Variants in FNDC3B observed in about 807,000 individuals in gnomAD.
FNDC3B encodes the protein fibronectin type III domain containing 3B.
In FNDC3B, 12 loss-of-function variants were observed where a neutral mutation model predicts 151.5. The observed-to-expected ratio is 0.08, with a 90% CI of 0.05 to 0.13. The LOEUF (loss-of-function observed/expected upper bound fraction) is 0.13. FNDC3B is among the 10% of genes least tolerant of loss of function. The pLI is 1.00. For synonymous variants in FNDC3B, 528 were observed against 549.0 expected, an observed-to-expected ratio of 0.96 and a Z score of 0.54; for missense variants, 1,214 against 1,505.3, an observed-to-expected ratio of 0.81 and a Z score of 3.20.
chr3:172,090,815 A>C (rs1302820164), intron 1 of FNDC3B, among the ~76,000 whole-genome samples: 1 of 152,214 alleles, frequency 6.6e-6, no homozygotes, highest in Non-Finnish European at 1.5e-5. Flanking sequence ...GGTTGCAGCC[A>C]AAACTTTGTT....
intron 11 of FNDC3B, among the ~76,000 whole-genome samples, chr3:172,317,499 A>G (rs1731865204): frequency 6.6e-6 from 1 of 152,088 alleles, no homozygotes; most frequent in Non-Finnish European, 1.5e-5. Context: ...TTAATTTTCT[A>G]ACACATAAAC....
At chr3:172,305,391 CTTGT>C (rs1264327438) in intron 9 of FNDC3B, among the ~76,000 whole-genome samples, 3 of 152,080 alleles carry the variant, frequency 2.0e-5, no homozygotes, top group African/African-American at 4.8e-5. Flanking sequence ...TTTCTTGCAA[CTTGT>C]TTGTTAGATT....
At chr3:172,327,683 C>T (rs1292097627) in intron 11 of FNDC3B, among the ~76,000 whole-genome samples, 2 of 152,226 alleles carry the variant, frequency 1.3e-5, no homozygotes, top group Non-Finnish European at 2.9e-5. Flanking sequence ...GGATTACAGG[C>T]GTGAGCCACC....
intron 14 of FNDC3B, among the ~76,000 whole-genome samples, chr3:172,333,488 A>ATTTTTTTTTTT (rs748224819): frequency 3.9e-5 from 4 of 102,834 alleles, no homozygotes; most frequent in African/African-American, 4.1e-5. Context: ...TGCCCGGCTA[A>ATTTTTTTTTTT]TTTTTTTTTT....
intron 3 of FNDC3B, among the ~76,000 whole-genome samples, chr3:172,214,077 TAGC>T (rs987735120): frequency 6.6e-6 from 1 of 152,146 alleles, no homozygotes; most frequent in Non-Finnish European, 1.5e-5. Flanking sequence ...GCTGAGAAAA[TAGC>T]AGTCTAGGTG....
chr3:172,082,634 T>C (rs1345808193), intron 1 of FNDC3B, among the ~76,000 whole-genome samples: 1 of 152,174 alleles, frequency 6.6e-6, no homozygotes, highest in Non-Finnish European at 1.5e-5. Context: ...AGGCTGAACG[T>C]GGAATCACTG....
chr3:172,055,994 G>T (rs1716893998), intron 1 of FNDC3B, among the ~76,000 whole-genome samples: 1 of 152,050 alleles, frequency 6.6e-6, no homozygotes, highest in South Asian at 2.1e-4. Flanking sequence ...TGTTAGCCAG[G>T]ATGGTCTCAG....
At chr3:172,313,240 A>G (rs1458359287) in intron 11 of FNDC3B, among the ~76,000 whole-genome samples, 6 of 152,058 alleles carry the variant, frequency 3.9e-5, no homozygotes, top group African/African-American at 1.4e-4. Context: ...CTGCCCCCTC[A>G]ATTCTAAGGC....
chr3:172,338,314 A>G (rs930122033), intron 16 of FNDC3B: 46 of 148,230 alleles, frequency 3.1e-4, no homozygotes, highest in African/African-American at 1.1e-3. Context: ...CTCTGTCTCA[A>G]AAAAAAAAAA....
At chr3:172,326,246 C>T (rs1658126145) in intron 11 of FNDC3B, among the ~76,000 whole-genome samples, 2 of 152,164 alleles carry the variant, frequency 1.3e-5, no homozygotes, top group Admixed American at 1.3e-4. Context: ...TTCTCAATGA[C>T]TTCTAAAAAT....
chr3:172,317,329 G>A (rs558355062), intron 11 of FNDC3B: 171 of 303,606 alleles, frequency 5.6e-4, no homozygotes, highest in African/African-American at 3.7e-3. Context: ...GACTACAGGC[G>A]CCTGCCACCA....
chr3:172,068,200 A>G (rs77752646), intron 1 of FNDC3B, among the ~76,000 whole-genome samples: 2,431 of 152,268 alleles, frequency 0.016, 69 homozygotes, highest in African/African-American at 0.055. Context: ...GGGCTCCTGC[A>G]GAGGGCTTGT....
intron 1 of FNDC3B, among the ~76,000 whole-genome samples, chr3:172,075,699 A>G (rs1264819392): frequency 6.6e-6 from 1 of 151,158 alleles, no homozygotes; most frequent in Non-Finnish European, 1.5e-5. Context: ...ACATTGAGAA[A>G]CATATTTTAC....
intron 6 of FNDC3B, among the ~76,000 whole-genome samples, chr3:172,255,770 G>A (rs1346264722): frequency 1.3e-5 from 2 of 152,214 alleles, no homozygotes. Flanking sequence ...GTCCTCTCTG[G>A]TGGAATTGGT....
chr3:172,341,288 C>CT, intron 17 of FNDC3B, 57 bp downstream of exon 17: 1 of 1,220,944 alleles, frequency 8.2e-7, no homozygotes, highest in Non-Finnish European at 1.2e-6. Context: ...GACAAACTGT[C>CT]TATAACATCA....
intron 1 of FNDC3B, among the ~76,000 whole-genome samples, chr3:172,059,853 G>A (rs145740327): frequency 9.6e-4 from 146 of 152,240 alleles, no homozygotes; most frequent in Middle Eastern, 3.4e-3. Context: ...AAACTTTTAG[G>A]TAAATAGAGG....
At chr3:172,231,504 A>G (rs540473210) in intron 4 of FNDC3B, among the ~76,000 whole-genome samples, 1 of 152,324 alleles carries the variant, frequency 6.6e-6, no homozygotes, top group East Asian at 1.9e-4. Context: ...CGTCCCAGTT[A>G]TGAATTGGGA....
intron 6 of FNDC3B, among the ~76,000 whole-genome samples, 172 bp downstream of exon 6, chr3:172,251,713 T>G (rs1318857608): frequency 6.6e-6 from 1 of 152,214 alleles, no homozygotes; most frequent in South Asian, 2.1e-4. Context: ...AATATTGCAT[T>G]GTTTATTTTT....
rs1224612217 is a variant in FNDC3B at position 172,399,811 on chromosome 3, A to G, written c.*2336A>G. 7.0e-6 allele frequency: 1 copy of G among 143,006 alleles called. No individual in the cohort carries two copies. The highest frequency in any genetic ancestry group is 1.5e-5 in the Non-Finnish European group (1 of 66,064). The allele number at this position is 143,006 out of a possible 1,614,324, so 8.9% of individuals were successfully genotyped here. On this transcript the variant is annotated 3_prime_UTR_variant, in exon 26 of 26. Transcript: ENST00000415807. ...TTTGAAACACTTCAGAACTGCTGCT[A>G]TAAAGAAATTCTCTAATTGGTTGAA...
Sources: gnomAD v4.1 joint callset for allele counts (sites outside exome capture counted in the v4.1 genomes callset) on GRCh38, gnomAD v4.1.1 for gene constraint, MANE v1.5 for transcripts, NCBI Gene and HGNC (gene_info 2026-07-23, HGNC 2026-07-21) for gene names.